Variants in GUCY2C observed in about 807,000 individuals in gnomAD.
The protein encoded by GUCY2C is guanylyl cyclase C.
In GUCY2C, 118 loss-of-function variants were observed where a neutral mutation model predicts 131.1. The observed-to-expected ratio is 0.90, with a 90% CI of 0.78 to 1.05. The LOEUF (loss-of-function observed/expected upper bound fraction) is 1.05. Among genes scored for constraint, GUCY2C ranks in the 50% least tolerant of loss-of-function variants. The pLI, the probability that GUCY2C is intolerant of heterozygous loss-of-function variation, is 0.00. For missense variants in GUCY2C, 1,161 were observed against 1,304.4 expected, an observed-to-expected ratio of 0.89 and a Z score of 1.69; for synonymous variants, 452 against 457.8, an observed-to-expected ratio of 0.99 and a Z score of 0.16.
At chr12:14,686,856 A>G (rs973607149) in intron 2 of GUCY2C, among the ~76,000 whole-genome samples, 1 of 152,138 alleles carries the variant, frequency 6.6e-6, no homozygotes, top group Non-Finnish European at 1.5e-5. Context: ...ATTGAGAATC[A>G]CTGCTGTGGT....
At chr12:14,682,959 T>C in intron 4 of GUCY2C, 83 bp downstream of exon 4, 1 of 849,732 alleles carries the variant, frequency 1.2e-6, no homozygotes, top group Non-Finnish European at 2.0e-6. Flanking sequence ...GGAAGGTGCA[T>C]CTGGTAATAA....
chr12:14,665,014 C>A (rs1295876033), intron 10 of GUCY2C, among the ~76,000 whole-genome samples: 1 of 152,060 alleles, frequency 6.6e-6, no homozygotes, highest in Non-Finnish European at 1.5e-5. Context: ...GAGTTCGAGA[C>A]CAGCCTGGCC....
chr12:14,677,475 C>T (rs1177574268), intron 6 of GUCY2C, among the ~76,000 whole-genome samples: 1 of 152,188 alleles, frequency 6.6e-6, no homozygotes, highest in African/African-American at 2.4e-5. Context: ...ATCCTCAACT[C>T]CTAGACAATG....
At chr12:14,666,516 C>T (rs187238487) in intron 10 of GUCY2C, among the ~76,000 whole-genome samples, 1 of 152,288 alleles carries the variant, frequency 6.6e-6, no homozygotes, top group Non-Finnish European at 1.5e-5. Context: ...AGGCGGATCA[C>T]GTGAGGTCAG....
intron 23 of GUCY2C, among the ~76,000 whole-genome samples, chr12:14,620,530 G>C (rs1946873171): frequency 6.6e-6 from 1 of 152,136 alleles, no homozygotes; most frequent in Admixed American, 6.5e-5. Context: ...TTTTAACAAG[G>C]CTATGTAACT....
intron 1 of GUCY2C, among the ~76,000 whole-genome samples, 195 bp from the exon 2 acceptor site, chr12:14,688,258 G>GTT (rs537701409): frequency 1.1e-3 from 161 of 147,574 alleles, no homozygotes; most frequent in African/African-American, 3.8e-3. Context: ...TTTCATCTCT[G>GTT]TTTCTCTCTC....
intron 20 of GUCY2C, among the ~76,000 whole-genome samples, chr12:14,627,308 G>A (rs1947041292): frequency 6.6e-6 from 1 of 152,132 alleles, no homozygotes; most frequent in African/African-American, 2.4e-5. Flanking sequence ...GTACATTTTT[G>A]TGCCCTACCC....
In GUCY2C at chr12:14,641,087, C is replaced by A. The variant is rs747192873; in HGVS notation, c.2063G>T (p.Arg688Leu). ...ETFYTLSCRD[R>L]NEKIFRVENS... ...ATGAATGGGTTTAGATGTACCATTC[C>A]GGTCCCGACAGCTCAAAGTGTAGAA... Residue 688 changes from arginine to leucine, a missense_variant, in exon 18 of 27, where the codon CGG becomes CTG. Coordinates refer to ENST00000261170, the MANE Select transcript of GUCY2C (RefSeq NM_004963.4). 6.2e-7 allele frequency: 1 copy of A among 1,613,262 alleles called. No individual in the cohort carries two copies. Among genetic ancestry groups the A allele is most frequent in the South Asian group, 1.1e-5 (1 of 91,024 alleles).
chr12:14,693,070 A>C lies in GUCY2C; in HGVS notation c.217+3162T>G, dbSNP rs569764944. On this transcript the variant is annotated intron_variant, in intron 1 of 26. Transcript: ENST00000261170. The stretch of plus-strand genomic sequence containing the variant: ...TTTTTCAGACAATGACATAACTTCA[A>C]ATCAAAGGTTTACTTTTAAAATAAG... Among the ~76,000 whole-genome samples, 4 of 152,274 alleles carry C rather than the reference A, an allele frequency of 2.6e-5. No individual in the cohort carries two copies. The South Asian group carries it at 8.3e-4, about 32-fold the overall frequency.
chr12:14,641,668 G>T (rs1027800489), intron 17 of GUCY2C, among the ~76,000 whole-genome samples: 2 of 152,208 alleles, frequency 1.3e-5, no homozygotes, highest in African/African-American at 2.4e-5. Context: ...GCCAGGCGTA[G>T]TGGCTTACGC....
intron 19 of GUCY2C, among the ~76,000 whole-genome samples, chr12:14,631,081 G>A (rs1947133340): frequency 6.6e-6 from 1 of 151,690 alleles, no homozygotes; most frequent in Admixed American, 6.6e-5. Context: ...GAAGGGGAGA[G>A]GTAAAAATGA....
At chr12:14,660,824 T>G (rs1416617589) in intron 11 of GUCY2C, among the ~76,000 whole-genome samples, 157 bp downstream of exon 11, 1 of 152,214 alleles carries the variant, frequency 6.6e-6, no homozygotes, top group East Asian at 1.9e-4. Context: ...TATTCTGCCC[T>G]TCAGTTAGTC....
Position 14,676,984 on chromosome 12 carries a change from G to A in GUCY2C, c.831-13C>T. ...AAAGTACTGGTCACTGTAATAAAAA[G>A]CACAGGTTCCTCATGAAAATTAGGA... On this transcript the variant is annotated splice_polypyrimidine_tract_variant and intron_variant, in intron 6 of 26. Coordinates refer to ENST00000261170, the MANE Select transcript of GUCY2C (RefSeq NM_004963.4). 2 of 987,196 alleles carry A rather than the reference G, an allele frequency of 2.0e-6. No homozygotes were observed. The highest frequency in any genetic ancestry group is 3.0e-6 in the Non-Finnish European group (2 of 665,680). The allele number at this position is 987,196 out of a possible 1,614,324, so 61.2% of individuals were successfully genotyped here. A position where few individuals can be genotyped will look rare whatever the true frequency, so the allele number is the denominator to read the frequency against.
chr12:14,662,776 T>C (rs552321466), intron 10 of GUCY2C, among the ~76,000 whole-genome samples: 126 of 152,158 alleles, frequency 8.3e-4, no homozygotes, highest in African/African-American at 1.9e-3. Flanking sequence ...TTTCAACTTA[T>C]AGAATCAAGT....
chr12:14,614,969 C>G (rs200646012), intron 25 of GUCY2C, 26 bp from the exon 26 acceptor site: 3 of 1,343,668 alleles, frequency 2.2e-6, no homozygotes, highest in Admixed American at 2.2e-5. Flanking sequence ...AGTTACGTAC[C>G]ACGGAGTCCA....
At chr12:14,684,542 CCT>C (rs1227518522) in intron 3 of GUCY2C, among the ~76,000 whole-genome samples, 2 of 100,844 alleles carry the variant, frequency 2.0e-5, no homozygotes, top group Non-Finnish European at 4.2e-5. Flanking sequence ...CTCTTTTTCT[CCT>C]CTCTCTCTTT....
At chr12:14,666,382 C>T (rs1207360960) in intron 10 of GUCY2C, among the ~76,000 whole-genome samples, 1 of 152,200 alleles carries the variant, frequency 6.6e-6, no homozygotes, top group Non-Finnish European at 1.5e-5. Context: ...GCTTGCAGTT[C>T]AGCTTTTCAG....
At chr12:14,674,809 T>C (rs1480587542) in intron 7 of GUCY2C, 49 bp from the exon 8 acceptor site, 3 of 1,433,494 alleles carry the variant, frequency 2.1e-6, no homozygotes, top group Middle Eastern at 1.9e-4. Context: ...AAAAGAATCT[T>C]GTCTTGAGCC....
At chr12:14,677,841 A>G (rs1948271470) in intron 6 of GUCY2C, among the ~76,000 whole-genome samples, 1 of 151,806 alleles carries the variant, frequency 6.6e-6, no homozygotes, top group African/African-American at 2.4e-5. Flanking sequence ...TGGCCTCCCA[A>G]AGTGCTGGGA....
Sources: gnomAD v4.1 joint callset for allele counts (sites outside exome capture counted in the v4.1 genomes callset) on GRCh38, gnomAD v4.1.1 for gene constraint, MANE v1.5 for transcripts, NCBI Gene and HGNC (gene_info 2026-07-23, HGNC 2026-07-21) for gene names.